Variants in DLGAP2 observed in about 807,000 individuals in gnomAD.
DLGAP2 encodes the protein disks large-associated protein 2.
In DLGAP2, 26 loss-of-function variants were observed where a neutral mutation model predicts 100.3. That is an observed-to-expected ratio of 0.26 (90% CI 0.19 to 0.36). DLGAP2 has a LOEUF of 0.36. Ranked by LOEUF, DLGAP2 falls within the 10% of genes least tolerant of loss-of-function variation. The pLI, the probability that DLGAP2 is intolerant of heterozygous loss-of-function variation, is 1.00. For synonymous variants in DLGAP2, 886 were observed against 630.1 expected (o/e 1.41, Z -6.08); for missense variants, 1,858 against 1,453.2 (o/e 1.28, Z -4.53).
intron 3 of DLGAP2, among the ~76,000 whole-genome samples, chr8:1,424,901 G>C (rs936554016): frequency 6.6e-6 from 1 of 152,202 alleles, no homozygotes; most frequent in African/African-American, 2.4e-5. Context: ...GCTGTTTAAT[G>C]GGGCAGAGCT....
At chr8:840,655 G>T (rs1486930690) in intron 1 of DLGAP2, among the ~76,000 whole-genome samples, 4 of 131,340 alleles carry the variant, frequency 3.0e-5, no homozygotes, top group Admixed American at 2.3e-4. Flanking sequence ...CTACACTCTG[G>T]ATTCTGCGAG....
At chr8:949,671 C>T (rs1286792332) in intron 2 of DLGAP2, among the ~76,000 whole-genome samples, 1 of 152,236 alleles carries the variant, frequency 6.6e-6, no homozygotes, top group Non-Finnish European at 1.5e-5. Flanking sequence ...CCTACATGTC[C>T]TCGTTCCCAC....
At chr8:1,269,923 C>G (rs1799545080) in intron 3 of DLGAP2, among the ~76,000 whole-genome samples, 2 of 152,214 alleles carry the variant, frequency 1.3e-5, no homozygotes, top group Non-Finnish European at 2.9e-5. Flanking sequence ...TTCATCTCCT[C>G]TTCATGGACC....
At chr8:1,503,995 G>A (rs1690495979) in intron 4 of DLGAP2, among the ~76,000 whole-genome samples, 1 of 152,212 alleles carries the variant, frequency 6.6e-6, no homozygotes, top group Non-Finnish European at 1.5e-5. Context: ...CAAGATTTGT[G>A]CAGAAGTGCA....
intron 2 of DLGAP2, among the ~76,000 whole-genome samples, chr8:1,218,733 T>A (rs1798260384): frequency 6.6e-6 from 1 of 152,176 alleles, no homozygotes; most frequent in South Asian, 2.1e-4. Context: ...TATGGCCATT[T>A]TACAATATTG....
intron 2 of DLGAP2, among the ~76,000 whole-genome samples, chr8:1,091,101 G>A (rs964225884): frequency 6.6e-5 from 10 of 152,104 alleles, no homozygotes; most frequent in East Asian, 3.9e-4. Context: ...AGCCTGCAGC[G>A]CCCAGACCCA....
chr8:1,078,605 A>C (rs1219627777), intron 2 of DLGAP2, among the ~76,000 whole-genome samples: 1 of 152,104 alleles, frequency 6.6e-6, no homozygotes, highest in African/African-American at 2.4e-5. Flanking sequence ...CTGATCTTTT[A>C]CTGTCTTCAT....
At chr8:1,578,835 C>T (rs1478971451) in intron 6 of DLGAP2, among the ~76,000 whole-genome samples, 4 of 152,176 alleles carry the variant, frequency 2.6e-5, no homozygotes, top group African/African-American at 4.8e-5. Context: ...TGTACAGACC[C>T]TCGGCCTTGT....
chr8:788,685 T>C (rs1821946031), intron 1 of DLGAP2, among the ~76,000 whole-genome samples: 1 of 152,364 alleles, frequency 6.6e-6, no homozygotes, highest in African/African-American at 2.4e-5. Flanking sequence ...AGTGCTGTTC[T>C]GTCCTCCTTC....
rs7011892 is a variant in DLGAP2, at chr8:861,988, C to G, written c.19-45924C>G. On this transcript the variant is annotated intron_variant, in intron 1 of 14. Transcript: ENST00000637795. ...ACTTATGCATAAATTCTCATCCCAC[C>G]AACTGTTTAGACTAAATTTCTTTTG... Among the ~76,000 whole-genome samples, 402 of 152,318 alleles carry G rather than the reference C, an allele frequency of 2.6e-3. 4 individuals are homozygous for G. Among genetic ancestry groups the G allele is most frequent in the African/African-American group, 9.2e-3 (381 of 41,586 alleles).
rs749236186 is a variant in DLGAP2, at chr8:1,691,524, G to C, written c.2705-11G>C. ...TTGTTGTTTTTTTGTTTTTGTTTTT[G>C]TTTTAAACAGTTCTCGGTAAAATCA... On this transcript the variant is annotated splice_polypyrimidine_tract_variant and intron_variant, in intron 12 of 14. Coordinates refer to ENST00000637795, the MANE Select transcript of DLGAP2 (RefSeq NM_001346810.2). 2.5e-6 allele frequency: 4 copies of C among 1,608,094 alleles called. No homozygotes were observed. In the South Asian group the frequency reaches 4.4e-5, roughly 18 times the overall value.
intron 2 of DLGAP2, among the ~76,000 whole-genome samples, chr8:949,662 C>T (rs757010024): frequency 9.9e-5 from 15 of 152,230 alleles, no homozygotes; most frequent in African/African-American, 1.4e-4. Context: ...CCTCTTTCTC[C>T]TACATGTCCT....
At position 872,328 on chromosome 8, in the gene DLGAP2, C is replaced by CTTT. The variant is rs770291812; in HGVS notation, c.19-35582_19-35580dup. 1.3e-3 allele frequency among the ~76,000 whole-genome samples: 163 copies of CTTT among 129,420 alleles called. 10 individuals are homozygous for CTTT. Among genetic ancestry groups the CTTT allele is most frequent in the Admixed American group, 1.4e-3 (17 of 11,898 alleles). 84.9% of individuals were successfully genotyped at this position (129,420 alleles called of 152,430 possible). On this transcript the variant is annotated intron_variant, in intron 1 of 14. Coordinates refer to ENST00000637795, the MANE Select transcript of DLGAP2 (RefSeq NM_001346810.2). The stretch of plus-strand genomic sequence containing the variant: ...AACAGAGGAAAGTTTTCTCTCACTT[C>CTTT]TTTTCTTTTTTTTTTTTTTTTTGAG...
intron 2 of DLGAP2, among the ~76,000 whole-genome samples, chr8:943,422 C>T (rs1044776194): frequency 1.1e-4 from 17 of 152,252 alleles, no homozygotes; most frequent in Non-Finnish European, 2.1e-4. Flanking sequence ...GTGCGGCACC[C>T]GCGTGTCTGG....
intron 2 of DLGAP2, among the ~76,000 whole-genome samples, chr8:946,839 A>G (rs1372832447): frequency 6.6e-6 from 1 of 152,216 alleles, no homozygotes; most frequent in Non-Finnish European, 1.5e-5. Context: ...GCAATAGCAC[A>G]GCAGCTCCCC....
At position 1,456,421 on chromosome 8, in the gene DLGAP2, C is replaced by G. The variant is rs116307348; in HGVS notation, c.107-44945C>G. On this transcript the variant is annotated intron_variant, in intron 3 of 14. Transcript: ENST00000637795. ...CATCAAAGCATTTTCAAGGCAATCA[C>G]ATAATGATTCAAAATTGACTTTGGT... Among the ~76,000 whole-genome samples, 620 of 152,290 alleles carry G rather than the reference C, an allele frequency of 4.1e-3. 4 individuals are homozygous for G. Among genetic ancestry groups the G allele is most frequent in the African/African-American group, 0.014 (576 of 41,568 alleles).
At chr8:1,107,704 T>G (rs1018502940) in intron 2 of DLGAP2, among the ~76,000 whole-genome samples, 1 of 152,234 alleles carries the variant, frequency 6.6e-6, no homozygotes, top group Non-Finnish European at 1.5e-5. Flanking sequence ...AGAGCTGTTT[T>G]TGTAAAGCAC....
At chr8:1,532,837 AC>A (rs549756538) in intron 4 of DLGAP2, among the ~76,000 whole-genome samples, 154 of 152,312 alleles carry the variant, frequency 1.0e-3, no homozygotes, top group African/African-American at 3.6e-3. Flanking sequence ...AATTGAACTC[AC>A]AAAAAGGCTC....
chr8:1,070,746 A>G (rs1803403234), intron 2 of DLGAP2, among the ~76,000 whole-genome samples: 2 of 152,206 alleles, frequency 1.3e-5, no homozygotes, highest in African/African-American at 2.4e-5. Flanking sequence ...CTCAGCTAGT[A>G]TTTGGAATGA....
Sources: allele counts gnomAD v4.1 joint callset (sites outside exome capture counted in the v4.1 genomes callset), GRCh38; gene constraint gnomAD v4.1.1; transcripts MANE v1.5; gene names NCBI Gene and HGNC (gene_info 2026-07-23, HGNC 2026-07-21).